TTF2: variants seen among roughly 807,000 people sequenced by gnomAD.
TTF2 encodes transcription termination factor 2.
TTF2 carries 108 observed loss-of-function variants against 142.4 expected under a neutral mutation model. That is an observed-to-expected ratio of 0.76 (90% CI 0.65 to 0.89). The LOEUF (loss-of-function observed/expected upper bound fraction) is 0.89, where lower values mean the gene tolerates loss of function less well. TTF2 is among the 40% of genes least tolerant of loss of function. The pLI, the probability that TTF2 is intolerant of heterozygous loss-of-function variation, is 0.00. For synonymous variants in TTF2, 483 were observed against 506.2 expected (o/e 0.95, Z 0.61); for missense variants, 1,327 against 1,379.8 (o/e 0.96, Z 0.61).
chr1:117,088,780 T>C (rs750992638), intron 12 of TTF2, 21 bp from the exon 13 acceptor site: 4 of 1,610,132 alleles, frequency 2.5e-6, no homozygotes, highest in Non-Finnish European at 3.4e-6. Context: ...TGTGGCTGGA[T>C]TTCACTTGTG....
chr1:117,078,359 TA>T (rs1647199242), intron 8 of TTF2, among the ~76,000 whole-genome samples: 2 of 152,156 alleles, frequency 1.3e-5, no homozygotes, highest in Non-Finnish European at 2.9e-5. Context: ...ACAATGTAAA[TA>T]AAACAATTAG....
intron 2 of TTF2, 99 bp from the exon 3 acceptor site, chr1:117,062,288 T>C: frequency 9.3e-7 from 1 of 1,071,074 alleles, no homozygotes; most frequent in South Asian, 1.5e-5. Context: ...AGGTTATACA[T>C]AGATTCTTGG....
Position 117,097,721 on chromosome 1 carries a change from G to C in TTF2, c.3269+288G>C, listed in dbSNP as rs1649280011. Among the ~76,000 whole-genome samples, 2 of 152,148 alleles carry C rather than the reference G, an allele frequency of 1.3e-5. No homozygotes were observed. Among genetic ancestry groups the C allele is most frequent in the African/African-American group, 4.8e-5 (2 of 41,420 alleles). ...AACGGGGAGCATAGCTTTTCCTCAT[G>C]GCTAAGAGTTAACCTTGCTCAGTTT... is the stretch of plus-strand genomic sequence containing the variant. On this transcript the variant is annotated intron_variant, in intron 21 of 22. Transcript: ENST00000369466. The surrounding 1 kb of genome is among the most constrained non-coding windows in gnomAD (Gnocchi z 4.1).
At position 117,091,375 on chromosome 1, in the gene TTF2, A is replaced by C. The variant is rs1321835352; in HGVS notation, c.2636A>C (p.Gln879Pro). The C allele has an allele frequency of 3.1e-6, 5 of 1,613,580 alleles. No individual in the cohort carries two copies. The highest frequency in any genetic ancestry group is 4.2e-6 in the Non-Finnish European group (5 of 1,179,906). Reference sequence around the variant, plus strand: ...AAAAGACATGAAAGTAGAGGCAACCAATCTGGAAGAAGCCCTAATAATCCA... The same window carrying C: ...AAAAGACATGAAAGTAGAGGCAACCCATCTGGAAGAAGCCCTAATAATCCA... Reference protein sequence around the residue: ...YLKRHESRGNQSGRSPNNPFS... With the variant: ...YLKRHESRGNPSGRSPNNPFS... Residue 879 changes from glutamine (Q) to proline (P), a missense_variant, in exon 16 of 23, where the codon CAA (glutamine) becomes CCA (proline). Transcript: ENST00000369466.
chr1:117,064,387 C>T (rs868297454), intron 3 of TTF2, among the ~76,000 whole-genome samples: 2 of 152,254 alleles, frequency 1.3e-5, no homozygotes, highest in South Asian at 4.1e-4. Flanking sequence ...GAAGTCTCAG[C>T]TACTCGGGAG....
intron 11 of TTF2, among the ~76,000 whole-genome samples, chr1:117,084,799 C>G (rs1647864497): frequency 6.6e-6 from 1 of 152,186 alleles, no homozygotes; most frequent in Admixed American, 6.5e-5. Context: ...AGATTGAATA[C>G]TGGCTGCTGT....
chr1:117,082,464 C>G (rs1420197632), intron 10 of TTF2, among the ~76,000 whole-genome samples: 1 of 152,208 alleles, frequency 6.6e-6, no homozygotes, highest in East Asian at 1.9e-4. Flanking sequence ...CATCCTGCCT[C>G]AGCCTTCCAA....
intron 2 of TTF2, among the ~76,000 whole-genome samples, chr1:117,061,987 G>C (rs964332595): frequency 6.6e-6 from 1 of 152,172 alleles, no homozygotes; most frequent in African/African-American, 2.4e-5. Flanking sequence ...TATTGTTAGA[G>C]GTAGGCGTGT....
At chr1:117,067,050 C>A (rs1656197001) in intron 3 of TTF2, among the ~76,000 whole-genome samples, 1 of 152,150 alleles carries the variant, frequency 6.6e-6, no homozygotes, top group Non-Finnish European at 1.5e-5. Context: ...AATGAGTGTG[C>A]AGCTCTGAAG....
chr1:117,065,598 A>G (rs1318128117), intron 3 of TTF2, among the ~76,000 whole-genome samples: 1 of 151,542 alleles, frequency 6.6e-6, no homozygotes, highest in Non-Finnish European at 1.5e-5. Flanking sequence ...CTCTGTCTCA[A>G]AAAAAAAATG....
intron 10 of TTF2, among the ~76,000 whole-genome samples, chr1:117,082,438 A>G (rs1647607455): frequency 6.6e-6 from 1 of 152,120 alleles, no homozygotes; most frequent in Non-Finnish European, 1.5e-5. Flanking sequence ...GTCTCAAACA[A>G]CTGGGCTCAA....
intron 12 of TTF2, 28 bp from the exon 13 acceptor site, chr1:117,088,773 G>GGCA: frequency 6.2e-7 from 1 of 1,608,544 alleles, no homozygotes; most frequent in Non-Finnish European, 8.5e-7. Flanking sequence ...CCCATATTGT[G>GGCA]GCTGGATTTC....
intron 11 of TTF2, among the ~76,000 whole-genome samples, chr1:117,084,668 G>A (rs1647852757): frequency 6.6e-6 from 1 of 152,160 alleles, no homozygotes; most frequent in South Asian, 2.1e-4. Context: ...ATAAATTCTT[G>A]AAGAGGGATG....
At chr1:117,069,394 A>G (rs1189538104) in intron 3 of TTF2, among the ~76,000 whole-genome samples, 1 of 152,198 alleles carries the variant, frequency 6.6e-6, no homozygotes, top group Non-Finnish European at 1.5e-5. Context: ...AGGAGTTGAG[A>G]CTTGAAGTTG....
Position 117,092,916 on chromosome 1 carries a change from C to T in TTF2, c.2976+15C>T. ...AGAGCACCAAGGTACTTTTTGTCTC[C>T]TCTGTAGTAGTCGAGAGACTTCGAT... On this transcript the variant is annotated intron_variant, in intron 18 of 22. Coordinates refer to ENST00000369466, the MANE Select transcript of TTF2 (RefSeq NM_003594.4). This position sits in a 1 kb window ranked among gnomAD's most constrained non-coding sequence, Gnocchi z 4.4. 1 of 1,613,906 alleles carries T rather than the reference C, an allele frequency of 6.2e-7. No individual in the cohort carries two copies. The highest frequency in any genetic ancestry group is 8.5e-7 in the Non-Finnish European group (1 of 1,179,916).
Position 117,092,988 on chromosome 1 carries a change from G to T in TTF2, c.2976+87G>T, listed in dbSNP as rs562913643. ...GACAGCACTTCATTTGTCCAAGTGG[G>T]AACAGCCATTTGCCAGCAGAGCTAG... On this transcript the variant is annotated intron_variant, in intron 18 of 22. Transcript: ENST00000369466. The surrounding 1 kb of genome is among the most constrained non-coding windows in gnomAD (Gnocchi z 4.4). The T allele has an allele frequency of 1.3e-6, 2 of 1,491,002 alleles. No homozygotes were observed. Among genetic ancestry groups the T allele is most frequent in the South Asian group, 1.2e-5 (1 of 80,720 alleles). 92.4% of individuals were successfully genotyped at this position (1,491,002 alleles called of 1,614,324 possible).
intron 22 of TTF2, 80 bp downstream of exon 22, chr1:117,098,987 A>T: frequency 7.4e-7 from 1 of 1,358,436 alleles, no homozygotes; most frequent in Non-Finnish European, 1.0e-6. Flanking sequence ...TAGTGTTTTC[A>T]TAGAATTTAA....
chr1:117,069,864 T>C (rs1656442327), intron 3 of TTF2, among the ~76,000 whole-genome samples: 1 of 152,240 alleles, frequency 6.6e-6, no homozygotes, highest in African/African-American at 2.4e-5. Flanking sequence ...GAGGTCTGGC[T>C]TCTTCTAGCT....
chr1:117,095,514 A>T, intron 19 of TTF2, 147 bp downstream of exon 19: 1 of 721,788 alleles, frequency 1.4e-6, no homozygotes. Flanking sequence ...TTTCTAATTA[A>T]AATATTTGTG....
Sources: gnomAD v4.1 joint callset for allele counts (sites outside exome capture counted in the v4.1 genomes callset) on GRCh38, gnomAD v4.1.1 for gene constraint, Gnocchi (gnomAD v3.1) non-coding constraint, MANE v1.5 for transcripts, NCBI Gene and HGNC (gene_info 2026-07-23, HGNC 2026-07-21) for gene names.